The following CSMD1 variants were observed in gnomAD, a reference collection of about 807,000 sequenced individuals.
CSMD1 encodes CUB and Sushi multiple domains 1.
A neutral mutation model predicts 417.5 loss-of-function variants in CSMD1; 213 were observed. The ratio of observed to expected loss-of-function variants is 0.51; its 90% CI spans 0.46 to 0.57. The LOEUF is 0.57. CSMD1 is among the 20% of genes least tolerant of loss of function. The pLI is 0.00. For synonymous variants in CSMD1, 2,862 were observed against 1,736.8 expected, an observed-to-expected ratio of 1.65 and a Z score of -16.11; for missense variants, 6,923 against 4,529.7, an observed-to-expected ratio of 1.53 and a Z score of -15.17.
At chr8:4,930,426 G>C (rs1807170399) in intron 1 of CSMD1, among the ~76,000 whole-genome samples, 1 of 152,012 alleles carries the variant, frequency 6.6e-6, no homozygotes, top group Non-Finnish European at 1.5e-5. Flanking sequence ...ATTTTGAGAA[G>C]TGGCGCTTAA....
At chr8:3,493,851 A>G in intron 10 of CSMD1, 125 bp from the exon 11 acceptor site, 1 of 653,274 alleles carries the variant, frequency 1.5e-6, no homozygotes, top group Non-Finnish European at 2.6e-6. Flanking sequence ...AAATGATCCC[A>G]GAGCTGCTTT....
intron 1 of CSMD1, among the ~76,000 whole-genome samples, chr8:4,832,929 A>T (rs1451638089): frequency 4.6e-5 from 7 of 152,168 alleles, no homozygotes; most frequent in Admixed American, 4.6e-4. Context: ...AGTACCCTTG[A>T]TTCTAAAAGC....
At chr8:4,186,580 G>A (rs764501465) in intron 3 of CSMD1, among the ~76,000 whole-genome samples, 1 of 152,184 alleles carries the variant, frequency 6.6e-6, no homozygotes, top group African/African-American at 2.4e-5. Flanking sequence ...AAGGGTCTCA[G>A]CATTGCTAAT....
intron 3 of CSMD1, among the ~76,000 whole-genome samples, chr8:4,042,537 G>A (rs1201512010): frequency 6.6e-6 from 1 of 151,874 alleles, no homozygotes; most frequent in Non-Finnish European, 1.5e-5. Flanking sequence ...CATACCACAA[G>A]GAATATTAAA....
chr8:3,986,224 A>C (rs1213729479), intron 5 of CSMD1, among the ~76,000 whole-genome samples: 1 of 152,162 alleles, frequency 6.6e-6, no homozygotes, highest in Non-Finnish European at 1.5e-5. Context: ...AAGACACCAG[A>C]TGGAGGAAGA....
At chr8:3,900,393 G>C (rs796893881) in intron 5 of CSMD1, among the ~76,000 whole-genome samples, 11 of 151,522 alleles carry the variant, frequency 7.3e-5, no homozygotes, top group African/African-American at 2.7e-4. Context: ...CTGGGTGACA[G>C]TATAGGTGGG....
At chr8:4,758,871 T>G (rs576939686) in intron 1 of CSMD1, among the ~76,000 whole-genome samples, 1 of 152,100 alleles carries the variant, frequency 6.6e-6, no homozygotes. Flanking sequence ...ATTCACAAAG[T>G]GATTTGGGTG....
intron 30 of CSMD1, among the ~76,000 whole-genome samples, chr8:3,206,512 T>C (rs184153285): frequency 1.6e-5 from 2 of 124,176 alleles, no homozygotes; most frequent in African/African-American, 3.2e-5. Flanking sequence ...GTGTGTGTGG[T>C]GTATGTCTGC....
At chr8:4,027,874 C>G (rs1797144813) in intron 4 of CSMD1, among the ~76,000 whole-genome samples, 1 of 151,988 alleles carries the variant, frequency 6.6e-6, no homozygotes, top group Non-Finnish European at 1.5e-5. Flanking sequence ...ATAAAGAGAA[C>G]AAAGACACAG....
intron 5 of CSMD1, among the ~76,000 whole-genome samples, chr8:3,903,058 T>C (rs995862934): frequency 6.6e-6 from 1 of 152,154 alleles, no homozygotes; most frequent in East Asian, 1.9e-4. Context: ...ACCACCTGGA[T>C]TGGATAACTG....
intron 5 of CSMD1, among the ~76,000 whole-genome samples, chr8:3,905,794 C>A (rs1808067681): frequency 6.6e-6 from 1 of 152,204 alleles, no homozygotes; most frequent in Admixed American, 6.5e-5. Flanking sequence ...CTTCACCACC[C>A]TCTACTGTAG....
chr8:3,640,333 T>C (rs1252445224), intron 7 of CSMD1, among the ~76,000 whole-genome samples: 2 of 152,234 alleles, frequency 1.3e-5, no homozygotes, highest in Non-Finnish European at 2.9e-5. Context: ...TTTTATGAGA[T>C]AATTAAATAT....
intron 26 of CSMD1, among the ~76,000 whole-genome samples, chr8:3,251,761 C>T (rs181492183): frequency 6.6e-6 from 1 of 152,220 alleles, no homozygotes; most frequent in Admixed American, 6.5e-5. Flanking sequence ...TTGTAGTTCT[C>T]CTTGAAGAGG....
intron 3 of CSMD1, among the ~76,000 whole-genome samples, chr8:4,394,080 C>A (rs554991909): frequency 1.3e-5 from 2 of 152,234 alleles, no homozygotes; most frequent in South Asian, 2.1e-4. Flanking sequence ...GAAACAAACT[C>A]CTCAATCCTC....
At chr8:4,936,638 T>C (rs1434572099) in intron 1 of CSMD1, among the ~76,000 whole-genome samples, 3 of 152,172 alleles carry the variant, frequency 2.0e-5, no homozygotes, top group Non-Finnish European at 2.9e-5. Context: ...GGGATGCATT[T>C]TAATTCAAGA....
chr8:4,023,662 C>G (rs926049505), intron 4 of CSMD1, among the ~76,000 whole-genome samples: 2 of 149,932 alleles, frequency 1.3e-5, no homozygotes, highest in African/African-American at 4.9e-5. Context: ...TCTCGGCTCA[C>G]TGCAAGCTCC....
At chr8:3,839,533 A>G (rs892074775) in intron 5 of CSMD1, among the ~76,000 whole-genome samples, 3 of 76,098 alleles carry the variant, frequency 3.9e-5, no homozygotes, top group Admixed American at 2.0e-4. Flanking sequence ...ATATATGTTA[A>G]GATTTTATAT....
At chr8:3,778,795 T>C (rs1197223467) in intron 5 of CSMD1, among the ~76,000 whole-genome samples, 10 of 152,206 alleles carry the variant, frequency 6.6e-5, no homozygotes, top group Admixed American at 5.9e-4. Context: ...TGTTTCATGC[T>C]CCGAACACTT....
chr8:4,845,150 C>A (rs560221100), intron 1 of CSMD1, among the ~76,000 whole-genome samples: 1 of 152,232 alleles, frequency 6.6e-6, no homozygotes, highest in South Asian at 2.1e-4. Flanking sequence ...TTATCACTAA[C>A]AATAATCACC....
Sources: gnomAD v4.1 joint callset for allele counts (sites outside exome capture counted in the v4.1 genomes callset) on GRCh38, gnomAD v4.1.1 for gene constraint, MANE v1.5 for transcripts, NCBI Gene and HGNC (gene_info 2026-07-23, HGNC 2026-07-21) for gene names.